The following ADGRG3 variants were observed in gnomAD, a reference collection of about 807,000 sequenced individuals.
ADGRG3 encodes G protein-coupled receptor 97.
Under a neutral mutation model 54.3 loss-of-function variants are expected in ADGRG3, and 39 were observed. That is an observed-to-expected ratio of 0.72 (90% CI 0.56 to 0.94). ADGRG3 has a LOEUF of 0.94. Ranked by LOEUF, ADGRG3 falls within the 40% of genes least tolerant of loss-of-function variation. The pLI is 0.00. For synonymous variants in ADGRG3, 312 were observed against 290.0 expected (o/e 1.08, Z -0.77); for missense variants, 654 against 694.6 (o/e 0.94, Z 0.66).
At chr16:57,676,895 T>C (rs2048274206) in intron 3 of ADGRG3, among the ~76,000 whole-genome samples, 1 of 152,170 alleles carries the variant, frequency 6.6e-6, no homozygotes, top group Admixed American at 6.5e-5. Context: ...AATGAGATAA[T>C]GCACAGGGAA....
At position 57,676,137 on chromosome 16, in the gene ADGRG3, C is replaced by G. The variant is rs1285579029; in HGVS notation, c.207-63C>G. The G allele has an allele frequency of 2.7e-6, 4 of 1,506,556 alleles. No homozygotes were observed. In the African/African-American group the frequency reaches 4.1e-5, roughly 16 times the overall value. The allele number at this position is 1,506,556 out of a possible 1,614,324, so 93.3% of individuals were successfully genotyped here. A position where few individuals can be genotyped will look rare whatever the true frequency, so the allele number is the denominator to read the frequency against. On this transcript the variant is annotated intron_variant, in intron 2 of 11. Transcript: ENST00000333493. The stretch of plus-strand genomic sequence containing the variant: ...TGGGTCAGCCCTCTCACCCCAGGAG[C>G]CTGATGAGTGAGTAACTCAGCCTGC...
At chr16:57,679,550 A>G (rs2048325277) in intron 5 of ADGRG3, among the ~76,000 whole-genome samples, 1 of 151,982 alleles carries the variant, frequency 6.6e-6, no homozygotes, top group Admixed American at 6.5e-5. Context: ...CTCCACACCC[A>G]TGCTCCCCTG....
intron 8 of ADGRG3, chr16:57,682,575 G>A (rs1437831517): frequency 6.1e-6 from 6 of 985,346 alleles, no homozygotes; most frequent in Middle Eastern, 5.2e-4. Context: ...GGGGCTTGGA[G>A]CGCCAGGAGA....
chr16:57,671,480 A>G (rs1248092729), intron 1 of ADGRG3, among the ~76,000 whole-genome samples: 1 of 151,774 alleles, frequency 6.6e-6, no homozygotes, highest in Admixed American at 6.6e-5. Flanking sequence ...AGCTGAGATT[A>G]CAGGCACCCA....
At chr16:57,675,012 A>AAAAAAAAAAAAGC (rs35561154) in intron 2 of ADGRG3, among the ~76,000 whole-genome samples, 3 of 115,342 alleles carry the variant, frequency 2.6e-5, no homozygotes, top group Non-Finnish European at 1.8e-5. Context: ...AAAAAAAAAA[A>AAAAAAAAAAAAGC]AGCAGCAGCA....
intron 11 of ADGRG3, among the ~76,000 whole-genome samples, chr16:57,687,464 C>T (rs760726189): frequency 1.3e-5 from 2 of 152,178 alleles, no homozygotes; most frequent in Non-Finnish European, 1.5e-5. Context: ...ACTGGTCAGG[C>T]TGGTCTCAAA....
intron 4 of ADGRG3, 118 bp from the exon 5 acceptor site, chr16:57,679,051 CCCTGGTCT>C: frequency 9.0e-7 from 1 of 1,106,612 alleles, no homozygotes; most frequent in Non-Finnish European, 1.3e-6. Flanking sequence ...CTCCCTGGTC[CCCTGGTCT>C]CGAACTCTGC....
chr16:57,676,174 C>A lies in ADGRG3; in HGVS notation c.207-26C>A, dbSNP rs376915835. The stretch of plus-strand genomic sequence containing the variant: ...GTAACTCAGCCTGCAGGATCCTACC[C>A]TCCCCCCATCCCTGGCCCTTTGCAG... On this transcript the variant is annotated intron_variant, in intron 2 of 11. Transcript: ENST00000333493. 215 of 1,610,578 alleles carry A rather than the reference C, an allele frequency of 1.3e-4. 1 individual carries two copies. The highest frequency in any genetic ancestry group is 2.1e-5 in the Non-Finnish European group (25 of 1,177,110).
upstream of ADGRG3, among the ~76,000 whole-genome samples, chr16:57,666,859 G>A (rs1344365658): frequency 1.3e-5 from 2 of 152,166 alleles, no homozygotes; most frequent in Non-Finnish European, 2.9e-5. Context: ...TGGTACCTGC[G>A]AGCCTCTCTG....
intron 8 of ADGRG3, 146 bp from the exon 9 acceptor site, chr16:57,683,786 C>T (rs988397589): frequency 3.4e-5 from 20 of 585,006 alleles, no homozygotes; most frequent in Middle Eastern, 4.5e-4. Flanking sequence ...CTCTGGCTGC[C>T]GGCAGGGATG....
intron 1 of ADGRG3, among the ~76,000 whole-genome samples, chr16:57,673,052 CT>C (rs1331736226): frequency 8.5e-5 from 13 of 152,168 alleles, no homozygotes; most frequent in Non-Finnish European, 1.3e-4. Context: ...CATATGAAAC[CT>C]TTTATTTACA....
intron 1 of ADGRG3, among the ~76,000 whole-genome samples, chr16:57,669,335 G>A (rs2048110760): frequency 6.6e-6 from 1 of 152,236 alleles, no homozygotes; most frequent in Non-Finnish European, 1.5e-5. Context: ...ATTCAGTGGA[G>A]TGAATCAGTC....
chr16:57,676,176 C>G (rs780165907), intron 2 of ADGRG3, 24 bp from the exon 3 acceptor site: 9 of 1,610,380 alleles, frequency 5.6e-6, no homozygotes, highest in Non-Finnish European at 7.6e-6. Flanking sequence ...ATCCTACCCT[C>G]CCCCCATCCC....
chr16:57,670,075 G>A (rs1463721799), intron 1 of ADGRG3, among the ~76,000 whole-genome samples: 1 of 152,298 alleles, frequency 6.6e-6, no homozygotes, highest in Non-Finnish European at 1.5e-5. Flanking sequence ...GAGCCAGCAG[G>A]GGCTGAAGGA....
intron 8 of ADGRG3, among the ~76,000 whole-genome samples, chr16:57,683,070 T>C (rs1212195498): frequency 1.3e-5 from 2 of 152,290 alleles, no homozygotes; most frequent in Non-Finnish European, 2.9e-5. Flanking sequence ...CCAAGGGGCA[T>C]TTGAAAGGCA....
In ADGRG3 at chr16:57,688,603, C is replaced by G; in HGVS notation, c.*142C>G. On this transcript the variant is annotated 3_prime_UTR_variant, in exon 12 of 12. Transcript: ENST00000333493. ...GAGAGGATGGGACCAGGTTGGACCA[C>G]GTGGCATCAGAGGTCCCATCCAGAT... 2 of 658,744 alleles carry G rather than the reference C, an allele frequency of 3.0e-6. No homozygotes were observed. The highest frequency in any genetic ancestry group is 5.5e-6 in the Non-Finnish European group (2 of 361,348). 40.8% of individuals were successfully genotyped at this position (658,744 alleles called of 1,614,324 possible). A position where few individuals can be genotyped will look rare whatever the true frequency, so the allele number is the denominator to read the frequency against.
rs2048315108 is a variant in ADGRG3 at position 57,679,025 on chromosome 16, G to A, written c.493-152G>A. ...CACTGGGAGCAGCAGGGAGGAGGCTGCCTGTGACTCCTTGGCTCCCTGGTC... is the reference window on the plus strand; with the variant it reads ...CACTGGGAGCAGCAGGGAGGAGGCTACCTGTGACTCCTTGGCTCCCTGGTC... On this transcript the variant is annotated intron_variant, in intron 4 of 11. Coordinates refer to ENST00000333493, the MANE Select transcript of ADGRG3 (RefSeq NM_170776.5). 9 of 840,364 alleles carry A rather than the reference G, an allele frequency of 1.1e-5. No homozygotes were observed. In the East Asian group the frequency reaches 2.1e-4, roughly 20 times the overall value. The allele number at this position is 840,364 out of a possible 1,614,324, so 52.1% of individuals were successfully genotyped here.
In ADGRG3 at chr16:57,676,223, A is replaced by G. The variant is rs751426197; in HGVS notation, c.230A>G (p.His77Arg). 1 of 1,614,034 alleles carries G rather than the reference A, an allele frequency of 6.2e-7. No individual in the cohort carries two copies. The highest frequency in any genetic ancestry group is 1.1e-5 in the South Asian group (1 of 91,084). The change falls in exon 3 of 12, where the codon CAT becomes CGT. Residue 77 changes from histidine (H) to arginine (R), a missense_variant. By Grantham distance (29) the His-to-Arg change is conservative (BLOSUM62 0). Coordinates refer to ENST00000333493, the MANE Select transcript of ADGRG3 (RefSeq NM_170776.5). ...AGATACTGGCTAAACTACGAGGCCC[A>G]TCTGATGAAGGAAGGTTTGACGCAG... ...LQRYWLNYEA[H>R]LMKEGLTQKV... is the part of the protein sequence containing the mutation.
chr16:57,684,108 T>TC lies in ADGRG3; in HGVS notation c.1059dup (p.Thr354HisfsTer6), dbSNP rs1465508023. 1.2e-6 allele frequency: 2 copies of TC among 1,613,928 alleles called. No homozygotes were observed. The highest frequency in any genetic ancestry group is 1.7e-6 in the Non-Finnish European group (2 of 1,179,966). On this transcript the variant is annotated frameshift_variant, in exon 9 of 12. Coordinates refer to ENST00000333493, the MANE Select transcript of ADGRG3 (RefSeq NM_170776.5). LOFTEE classifies it high-confidence loss of function. ...TTCCACTACTTCCTGCTCTGTGCCT[T>TC]CACCTGGATGGGCCTTGAAGCCTTC...
Sources: gnomAD v4.1 joint callset for allele counts (sites outside exome capture counted in the v4.1 genomes callset) on GRCh38, gnomAD v4.1.1 for gene constraint, MANE v1.5 for transcripts, NCBI Gene and HGNC (gene_info 2026-07-23, HGNC 2026-07-21) for gene names.